The following SMC1B variants were observed in gnomAD, a reference collection of about 807,000 sequenced individuals.
The protein encoded by SMC1B is structural maintenance of chromosomes 1B, also known as structural maintenance of chromosomes protein 1B.
SMC1B carries 60 observed loss-of-function variants against 157.9 expected under a neutral mutation model. The ratio of observed to expected loss-of-function variants is 0.38; its 90% CI spans 0.31 to 0.47. The LOEUF (loss-of-function observed/expected upper bound fraction) is 0.47. SMC1B is among the 20% of genes least tolerant of loss of function. The probability of loss-of-function intolerance (pLI) is 0.99; values close to 1 mark genes in which losing one functional copy is unlikely to be tolerated. For synonymous variants in SMC1B, 445 were observed against 483.0 expected (o/e 0.92, Z 1.03); for missense variants, 1,165 against 1,426.2 (o/e 0.82, Z 2.95).
At chr22:45,360,762 T>G (rs188086029) in intron 17 of SMC1B, among the ~76,000 whole-genome samples, 1 of 152,270 alleles carries the variant, frequency 6.6e-6, no homozygotes, top group Admixed American at 6.5e-5. Context: ...TGGCTGTATC[T>G]TGAAACACCG....
rs1352445237 is a variant in SMC1B at position 45,413,575 on chromosome 22, C to T, written c.-8G>A. ...CAGCTCCAGGTGGGCCATGGCGCCG[C>T]CCTCCACGCCTCACCCGCGTTATCA... On this transcript the variant is annotated 5_prime_UTR_variant, in exon 1 of 25. Transcript: ENST00000357450. The T allele has an allele frequency of 1.3e-6, 2 of 1,593,832 alleles. No individual in the cohort carries two copies. Among genetic ancestry groups the T allele is most frequent in the South Asian group, 1.1e-5 (1 of 88,128 alleles).
At position 45,383,517 on chromosome 22, in the gene SMC1B, C is replaced by G. The variant is rs755926921; in HGVS notation, c.2008G>C (p.Glu670Gln). 3.9e-5 allele frequency: 63 copies of G among 1,610,196 alleles called. No individual in the cohort carries two copies. The highest frequency in any genetic ancestry group is 1.9e-4 in the South Asian group (17 of 90,572). ...KYKARCWDEKELKNLRDRRSQ... is the reference protein window; with the variant it reads ...KYKARCWDEKQLKNLRDRRSQ... Reference sequence around the variant, plus strand: ...CGTCTGTCTCTTAGATTCTTTAACTCTTTCTCATCCCAGCATCTAGCCTTG... The same window carrying G: ...CGTCTGTCTCTTAGATTCTTTAACTGTTTCTCATCCCAGCATCTAGCCTTG... Residue 670 changes from glutamate to glutamine, a missense_variant, in exon 12 of 25, where the codon GAG becomes CAG. Glu to Gln is a conservative substitution (Grantham distance 29). Coordinates refer to ENST00000357450, the MANE Select transcript of SMC1B (RefSeq NM_148674.5).
Position 45,406,836 on chromosome 22 carries a change from T to C in SMC1B, c.328A>G (p.Asn110Asp). ...GGCSEFRFND[N>D]LVSRSVYIAE... is the part of the protein sequence containing the mutation. ...ATGTAAACAGAACGACTCACAAGAT[T>C]ATCATTAAAGCGAAATTCTGAGCAT... Residue 110 changes from asparagine to aspartate, a missense_variant, in exon 3 of 25, where the codon AAT becomes GAT. Asn to Asp is a conservative substitution (Grantham distance 23). Coordinates refer to ENST00000357450, the MANE Select transcript of SMC1B (RefSeq NM_148674.5). 6.4e-7 allele frequency: 1 copy of C among 1,574,716 alleles called. No individual in the cohort carries two copies. Among genetic ancestry groups the C allele is most frequent in the Non-Finnish European group, 8.6e-7 (1 of 1,168,518 alleles).
In SMC1B at chr22:45,352,552, G is replaced by A; in HGVS notation, c.3324C>T (p.Ser1108=). 6.2e-7 allele frequency: 1 copy of A among 1,613,904 alleles called. No homozygotes were observed. Among genetic ancestry groups the A allele is most frequent in the Non-Finnish European group, 8.5e-7 (1 of 1,179,828 alleles). Residue 1108 remains serine, a synonymous_variant, in exon 22 of 25, where the codon AGC becomes AGT. Coordinates refer to ENST00000357450, the MANE Select transcript of SMC1B (RefSeq NM_148674.5). ...GTTTGCCTGGGGCCACACAGTTATA[G>A]CTAATTCCCTCCAAGTAAGGTTCTT... is the stretch of plus-strand genomic sequence containing the variant. ...NPEEPYLEGI[S]YNCVAPGKRF...
intron 5 of SMC1B, among the ~76,000 whole-genome samples, chr22:45,402,057 G>C (rs947055392): frequency 1.3e-5 from 2 of 152,018 alleles, no homozygotes; most frequent in African/African-American, 4.8e-5. Context: ...CTAATTTTTT[G>C]TATTTTTAGT....
At chr22:45,411,123 T>C (rs1323217933) in intron 1 of SMC1B, among the ~76,000 whole-genome samples, 4 of 152,236 alleles carry the variant, frequency 2.6e-5, no homozygotes, top group Non-Finnish European at 5.9e-5. Context: ...ATATTGTCCC[T>C]GCCTAATAAA....
rs1474111318 is a variant in SMC1B, at chr22:45,393,747, T to A, written c.1432A>T (p.Asn478Tyr). The A allele has an allele frequency of 1.1e-5, 18 of 1,613,662 alleles. No individual in the cohort carries two copies. The highest frequency in any genetic ancestry group is 4.2e-6 in the Non-Finnish European group (5 of 1,179,678). Residue 478 changes from asparagine to tyrosine, a missense_variant, in exon 9 of 25, where the codon AAT (asparagine) becomes TAT (tyrosine). Coordinates refer to ENST00000357450, the MANE Select transcript of SMC1B (RefSeq NM_148674.5). ...TTCTGCAATTCACTTCTAATAAGAT[T>A]CAATTCTTCATTAACTTCAGACATT... is the stretch of plus-strand genomic sequence containing the variant. ...SRMSEVNEEL[N>Y]LIRSELQNAG...
chr22:45,410,020 T>C lies in SMC1B; in HGVS notation c.110-1122A>G, dbSNP rs546542112. ...ACATTGAGTCTTTAGTGAGGTTCCC[T>C]GGTGGGCAACATTTCACATGTGTGG... On this transcript the variant is annotated intron_variant, in intron 1 of 24. Transcript: ENST00000357450. 2.0e-5 allele frequency among the ~76,000 whole-genome samples: 3 copies of C among 152,330 alleles called. No individual in the cohort carries two copies. The South Asian group carries it at 6.2e-4, about 32-fold the overall frequency.
intron 1 of SMC1B, among the ~76,000 whole-genome samples, chr22:45,410,088 T>C (rs1407649184): frequency 3.9e-5 from 6 of 152,198 alleles, no homozygotes; most frequent in African/African-American, 1.4e-4. Flanking sequence ...CACCAATGGG[T>C]AAGGACTTGG....
chr22:45,365,573 C>T (rs2086767789), intron 15 of SMC1B, among the ~76,000 whole-genome samples: 1 of 152,046 alleles, frequency 6.6e-6, no homozygotes, highest in African/African-American at 2.4e-5. Flanking sequence ...GGCATGTTGG[C>T]ACACACCTGT....
At chr22:45,382,511 G>A (rs2086946813) in intron 12 of SMC1B, among the ~76,000 whole-genome samples, 1 of 152,178 alleles carries the variant, frequency 6.6e-6, no homozygotes, top group Non-Finnish European at 1.5e-5. Context: ...TCTGCGGGGT[G>A]AAGAAAATGT....
chr22:45,352,249 C>A (rs1282808204), intron 22 of SMC1B, among the ~76,000 whole-genome samples: 1 of 150,840 alleles, frequency 6.6e-6, no homozygotes, highest in Non-Finnish European at 1.5e-5. Flanking sequence ...CACTAAAAAT[C>A]TAAGAATTCT....
At chr22:45,398,691 T>C (rs961537369) in intron 6 of SMC1B, among the ~76,000 whole-genome samples, 7 of 152,022 alleles carry the variant, frequency 4.6e-5, no homozygotes, top group African/African-American at 1.7e-4. Flanking sequence ...CAGCCAGGCA[T>C]GGTGGCGCAT....
intron 9 of SMC1B, 33 bp downstream of exon 9, chr22:45,393,597 GTTTT>G: frequency 6.0e-6 from 9 of 1,499,124 alleles, no homozygotes; most frequent in African/African-American, 1.4e-5. Flanking sequence ...GGAAAGCTTA[GTTTT>G]TTTTGTTTAA....
intron 11 of SMC1B, among the ~76,000 whole-genome samples, chr22:45,384,103 T>C (rs2086966407): frequency 6.6e-6 from 1 of 152,330 alleles, no homozygotes; most frequent in East Asian, 1.9e-4. Flanking sequence ...GTGAAAATAG[T>C]ACCTCAGTGT....
intron 17 of SMC1B, 77 bp from the exon 18 acceptor site, chr22:45,360,035 A>C: frequency 8.9e-7 from 1 of 1,118,836 alleles, no homozygotes; most frequent in Non-Finnish European, 1.3e-6. Context: ...TGTATGCTAT[A>C]AACTTTTATG....
intron 21 of SMC1B, 56 bp downstream of exon 21, chr22:45,353,922 A>AAAAAAAAAAAAAAAAAAC: frequency 9.7e-7 from 1 of 1,033,194 alleles, no homozygotes; most frequent in Non-Finnish European, 1.4e-6. Flanking sequence ...AAAAAAAAAC[A>AAAAAAAAAAAAAAAAAAC]ACCACCACCG....
intron 19 of SMC1B, among the ~76,000 whole-genome samples, chr22:45,358,176 C>A (rs898056019): frequency 2.6e-5 from 4 of 152,160 alleles, no homozygotes; most frequent in Non-Finnish European, 4.4e-5. Flanking sequence ...CATACCTAGT[C>A]CTATGCATTT....
In SMC1B at chr22:45,359,978, A is replaced by G; in HGVS notation, c.2709-20T>C. 2 of 1,604,286 alleles carry G rather than the reference A, an allele frequency of 1.2e-6. No homozygotes were observed. The highest frequency in any genetic ancestry group is 1.7e-6 in the Non-Finnish European group (2 of 1,172,530). On this transcript the variant is annotated intron_variant, in intron 17 of 24. Coordinates refer to ENST00000357450, the MANE Select transcript of SMC1B (RefSeq NM_148674.5). ...ACTTCCCTGTAATTACACAGATATG[A>G]AAAAGTAATTTTACTCATTATGTAA... is the stretch of plus-strand genomic sequence containing the variant.
Sources: allele counts gnomAD v4.1 joint callset (sites outside exome capture counted in the v4.1 genomes callset), GRCh38; gene constraint gnomAD v4.1.1; transcripts MANE v1.5; gene names NCBI Gene and HGNC (gene_info 2026-07-23, HGNC 2026-07-21).